The following IFFO1 variants were observed in gnomAD, a reference collection of about 807,000 sequenced individuals.
IFFO1 encodes the protein intermediate filament family orphan 1, also known as non-homologous end joining factor IFFO1.
A neutral mutation model predicts 59.6 loss-of-function variants in IFFO1; 42 were observed. The observed-to-expected ratio is 0.70, with a 90% CI of 0.55 to 0.91. The LOEUF (loss-of-function observed/expected upper bound fraction) is 0.91. Among genes scored for constraint, IFFO1 ranks in the 40% least tolerant of loss-of-function variants. IFFO1 has a pLI of 0.00. For synonymous variants in IFFO1, 336 were observed against 342.8 expected (o/e 0.98, Z 0.22); for missense variants, 711 against 793.2 (o/e 0.90, Z 1.24).
Position 6,555,534 on chromosome 12 carries a change from G to C in IFFO1, c.496C>G (p.Pro166Ala). Residue 166 changes from proline (P) to alanine (A), a missense_variant, in exon 1 of 10, where the codon CCC becomes GCC. Pro to Ala is a conservative substitution (Grantham distance 27). Around this residue, in one of 3 missense-constraint regions of IFFO1, gnomAD observed 579 missense variants for 650.3 expected, o/e 0.89. Coordinates refer to ENST00000619571, the MANE Select transcript of IFFO1 (RefSeq NM_001193457.2). This position sits in a 1 kb window ranked among gnomAD's most constrained non-coding sequence, Gnocchi z 8.6. ...LGSPARSPAG[P>A]LAPSAASLSS... ...AGGCTGGCCGCGGAGGGCGCGAGGG[G>C]GCCGGCCGGGGAGCGCGCGGGCGAG... The C allele has an allele frequency of 6.5e-7, 1 of 1,549,100 alleles. No homozygotes were observed. Among genetic ancestry groups the C allele is most frequent in the Non-Finnish European group, 8.7e-7 (1 of 1,149,212 alleles).
rs1180657221 is a variant in IFFO1, at chr12:6,550,578, G to T, written c.930+117C>A. 4.3e-6 allele frequency: 3 copies of T among 700,880 alleles called. No homozygotes were observed. The East Asian group carries it at 8.2e-5, about 19-fold the overall frequency. 43.4% of individuals were successfully genotyped at this position (700,880 alleles called of 1,614,324 possible). On this transcript the variant is annotated intron_variant, in intron 3 of 9. Transcript: ENST00000619571. ...TGGCTAGGGGAAAAAGGGAAGGAAA[G>T]CAAAGAGAAGGGGAGGAGCCGTGGA...
Position 6,542,762 on chromosome 12 carries a change from G to A in IFFO1, c.1480-1120C>T, listed in dbSNP as rs1017925257. The stretch of plus-strand genomic sequence containing the variant: ...AGGACACGGTGACTGTTCAACCCAG[G>A]GGGAAAATACAGTGCCACCAGCCCT... On this transcript the variant is annotated intron_variant, in intron 8 of 9. Transcript: ENST00000619571. Among the ~76,000 whole-genome samples the A allele has an allele frequency of 3.3e-5, 5 of 152,284 alleles. No individual in the cohort carries two copies. In the East Asian group the frequency reaches 5.8e-4, roughly 18 times the overall value.
chr12:6,551,453 T>C, intron 1 of IFFO1: 1 of 1,294,680 alleles, frequency 7.7e-7, no homozygotes, highest in East Asian at 5.5e-5. Flanking sequence ...ACAGAGCTCG[T>C]CGAGCCCGCT....
chr12:6,548,987 G>C lies in IFFO1; in HGVS notation c.1081-138C>G, dbSNP rs753944767. ...AGAAAAGTCACAGTTACAATGACAG[G>C]AACAGAAACACGGACAGTCACCAAG... On this transcript the variant is annotated intron_variant, in intron 5 of 9. Coordinates refer to ENST00000619571, the MANE Select transcript of IFFO1 (RefSeq NM_001193457.2). The surrounding 1 kb of genome is among the most constrained non-coding windows in gnomAD (Gnocchi z 6.1). The C allele has an allele frequency of 5.6e-5, 41 of 729,640 alleles. No homozygotes were observed. The highest frequency in any genetic ancestry group is 7.8e-5 in the Non-Finnish European group (35 of 446,952). 45.2% of individuals were successfully genotyped at this position (729,640 alleles called of 1,614,324 possible). A position where few individuals can be genotyped will look rare whatever the true frequency, so the allele number is the denominator to read the frequency against.
chr12:6,544,021 T>C (rs1410238844), intron 8 of IFFO1, among the ~76,000 whole-genome samples: 2 of 152,146 alleles, frequency 1.3e-5, no homozygotes, highest in Non-Finnish European at 2.9e-5. Flanking sequence ...ATAAATGTAA[T>C]GTTTGAATCA....
rs553407822 is a variant in IFFO1 at position 6,550,719 on chromosome 12, C to T, written c.906G>A (p.Val302=). The stretch of plus-strand genomic sequence containing the variant: ...CGTTACTCATGAGCCCCTTGAAGAC[C>T]ACCAGCTCAGCCTTCAACTGTTCCA... ...LKVEQLKAEL[V]VFKGLMSNNL... is the part of the protein sequence containing the mutation. The change falls in exon 3 of 10, where the codon GTG becomes GTA. Residue 302 remains valine (V), a synonymous_variant. Coordinates refer to ENST00000619571, the MANE Select transcript of IFFO1 (RefSeq NM_001193457.2). The T allele has an allele frequency of 1.2e-6, 2 of 1,614,110 alleles. No homozygotes were observed. Among genetic ancestry groups the T allele is most frequent in the African/African-American group, 2.7e-5 (2 of 75,062 alleles).
rs527570901 is a variant in IFFO1 at position 6,551,297 on chromosome 12, C to T, written c.774-296G>A. ...TGAGGCTCCGGTCCTCCGTGATGCC[C>T]ATCCCTGCTCAGGCCCCAGCTCAGC... On this transcript the variant is annotated intron_variant, in intron 1 of 9. Coordinates refer to ENST00000619571, the MANE Select transcript of IFFO1 (RefSeq NM_001193457.2). The T allele has an allele frequency of 1.9e-4, 129 of 663,822 alleles. 3 individuals are homozygous for T. The South Asian group carries it at 2.1e-3, about 11-fold the overall frequency. The allele number at this position is 663,822 out of a possible 1,614,324, so 41.1% of individuals were successfully genotyped here.
chr12:6,543,327 C>T (rs974324951), intron 8 of IFFO1, among the ~76,000 whole-genome samples: 2 of 152,124 alleles, frequency 1.3e-5, no homozygotes, highest in African/African-American at 2.4e-5. Flanking sequence ...GGAACCAGGC[C>T]AAATAGCAGG....
intron 1 of IFFO1, chr12:6,551,348 C>T: frequency 8.7e-7 from 1 of 1,147,370 alleles, no homozygotes; most frequent in Non-Finnish European, 1.2e-6. Context: ...CCTCATTGCC[C>T]ACCTCCTGCC....
In IFFO1 at chr12:6,555,542, G is replaced by C. The variant is rs1204546538; in HGVS notation, c.488C>G (p.Pro163Arg). 6.5e-7 allele frequency: 1 copy of C among 1,538,314 alleles called. No individual in the cohort carries two copies. The highest frequency in any genetic ancestry group is 2.1e-5 in the Admixed American group (1 of 48,420). Residue 163 changes from proline to arginine, a missense_variant, in exon 1 of 10, where the codon CCG becomes CGG. Around this residue, in one of 3 missense-constraint regions of IFFO1, gnomAD observed 579 missense variants for 650.3 expected, o/e 0.89. Transcript: ENST00000619571. The surrounding 1 kb of genome is among the most constrained non-coding windows in gnomAD (Gnocchi z 8.6). ...CGCGGAGGGCGCGAGGGGGCCGGCC[G>C]GGGAGCGCGCGGGCGAGCCCAGCAC... ...ARVLGSPARS[P>R]AGPLAPSAAS... is the part of the protein sequence containing the mutation.
chr12:6,550,380 A>T, intron 3 of IFFO1: 1 of 473,932 alleles, frequency 2.1e-6, no homozygotes, highest in East Asian at 3.5e-5. Flanking sequence ...CCCACGCCAA[A>T]GGTGAGGCCT....
rs370324521 is a variant in IFFO1, at chr12:6,549,617, C to A, written c.1072-133G>T. ...CCTCCTGATGCTGCTCCTTACCCCC[C>A]AGTCTAGCCCCGTGAGGGCCCCAGT... On this transcript the variant is annotated intron_variant, in intron 4 of 9. Transcript: ENST00000619571. The surrounding 1 kb of genome is among the most constrained non-coding windows in gnomAD (Gnocchi z 5.0). 5.2e-6 allele frequency: 7 copies of A among 1,359,154 alleles called. 1 individual carries two copies. The highest frequency in any genetic ancestry group is 2.5e-5 in the South Asian group (2 of 80,250). The allele number at this position is 1,359,154 out of a possible 1,614,324, so 84.2% of individuals were successfully genotyped here.
At position 6,540,537 on chromosome 12, in the gene IFFO1, TG is replaced by T; in HGVS notation, c.1661del (p.Pro554GlnfsTer17). On this transcript the variant is annotated frameshift_variant, in exon 10 of 10. Coordinates refer to ENST00000619571, the MANE Select transcript of IFFO1 (RefSeq NM_001193457.2). LOFTEE classifies it high-confidence loss of function. Reference protein sequence around the residue: ...AVPLSDPPPPPSEAEDSDRDV... With the variant: ...AVPLSDPPPPXSEAEDSDRDV... ...CGCGATCGGAGTCCTCAGCCTCGCT[TG>T]GCGGCGGCGGCGGGTCGCTAAGCGG... 1 of 1,613,590 alleles carries T rather than the reference TG, an allele frequency of 6.2e-7. No homozygotes were observed. Among genetic ancestry groups the T allele is most frequent in the South Asian group, 1.1e-5 (1 of 91,070 alleles).
chr12:6,549,831 G>A lies in IFFO1; in HGVS notation c.996C>T (p.Arg332=), dbSNP rs1947156409. The A allele has an allele frequency of 1.9e-6, 3 of 1,614,114 alleles. No homozygotes were observed. Among genetic ancestry groups the A allele is most frequent in the African/African-American group, 2.7e-5 (2 of 74,952 alleles). ...KAMKVDMDIC[R]RIDITAKLCD... ...AGAGCTTGGCGGTGATGTCGATGCG[G>A]CGGCAGATGTCCATATCCACCTTCA... Residue 332 remains arginine, a synonymous_variant, in exon 4 of 10, where the codon CGC becomes CGT. Coordinates refer to ENST00000619571, the MANE Select transcript of IFFO1 (RefSeq NM_001193457.2). This position sits in a 1 kb window ranked among gnomAD's most constrained non-coding sequence, Gnocchi z 5.0.
Position 6,540,533 on chromosome 12 carries a change from C to T in IFFO1, c.1666G>A (p.Glu556Lys), listed in dbSNP as rs370846800. The change falls in exon 10 of 10, where the codon GAG becomes AAG. Residue 556 changes from glutamate to lysine, a missense_variant. Transcript: ENST00000619571. ...ACATCGCGATCGGAGTCCTCAGCCTCGCTTGGCGGCGGCGGCGGGTCGCTA... is the reference window on the plus strand; with the variant it reads ...ACATCGCGATCGGAGTCCTCAGCCTTGCTTGGCGGCGGCGGCGGGTCGCTA... The part of the protein sequence containing the change: ...PLSDPPPPPS[E>K]AEDSDRDVSS... 3.8e-4 allele frequency: 615 copies of T among 1,614,050 alleles called. 11 individuals are homozygous for T. In the South Asian group the frequency reaches 6.4e-3, roughly 17 times the overall value.
At chr12:6,546,642 G>C (rs7294323) in intron 8 of IFFO1, among the ~76,000 whole-genome samples, 51,667 of 151,796 alleles carry the variant, frequency 0.34, 9,512 homozygotes, top group East Asian at 0.5. Context: ...TGCCACCACG[G>C]CCAGCTAATT....
At chr12:6,539,001 G>T (rs1008342757), downstream of IFFO1, 1 of 152,150 alleles carries the variant, frequency 6.6e-6, no homozygotes, top group Non-Finnish European at 1.5e-5. Flanking sequence ...ATGTGTCAGG[G>T]TGACTTATTT....
At position 6,555,974 on chromosome 12, in the gene IFFO1, A is replaced by G; in HGVS notation, c.56T>C (p.Leu19Pro). 1.3e-6 allele frequency: 2 copies of G among 1,571,046 alleles called. No homozygotes were observed. Among genetic ancestry groups the G allele is most frequent in the Non-Finnish European group, 8.6e-7 (1 of 1,165,702 alleles). Residue 19 changes from leucine (L) to proline (P), a missense_variant, in exon 1 of 10, where the codon CTG (leucine) becomes CCG (proline). Leu to Pro is a moderately conservative substitution (Grantham distance 98). Transcript: ENST00000619571. The surrounding 1 kb of genome is among the most constrained non-coding windows in gnomAD (Gnocchi z 8.6). ...LFLLQQEQQG[L>P]AGPLGDSLGG... ...CAGTGAGTCCCCCAGTGGCCCGGCC[A>G]GGCCCTGCTGCTCCTGCTGCAGGAG...
rs1310135630 is a variant in IFFO1 at position 6,540,198 on chromosome 12, A to G, written c.*285T>C. 1.9e-6 allele frequency: 1 copy of G among 525,932 alleles called. No homozygotes were observed. The highest frequency in any genetic ancestry group is 3.4e-6 in the Non-Finnish European group (1 of 293,758). 32.6% of individuals were successfully genotyped at this position (525,932 alleles called of 1,614,324 possible). On this transcript the variant is annotated 3_prime_UTR_variant, in exon 10 of 10. Transcript: ENST00000619571. ...GGTGAGGGGCCGCAATCGCTCTGGCAGCATTTTAAAGATGGGGAAGTAGCA... is the reference window on the plus strand; with the variant it reads ...GGTGAGGGGCCGCAATCGCTCTGGCGGCATTTTAAAGATGGGGAAGTAGCA...
Sources: allele counts gnomAD v4.1 joint callset (sites outside exome capture counted in the v4.1 genomes callset), GRCh38; gene constraint gnomAD v4.1.1; regional missense constraint gnomAD v4.1.1; non-coding constraint Gnocchi (gnomAD v3.1); transcripts MANE v1.5; gene names NCBI Gene and HGNC (gene_info 2026-07-23, HGNC 2026-07-21).